The following CCN5 variants were observed in gnomAD, a reference collection of about 807,000 sequenced individuals.
CCN5 encodes the protein CCN family member 5.
CCN5 carries 17 observed loss-of-function variants against 18.7 expected under a neutral mutation model. That is an observed-to-expected ratio of 0.91 (90% CI 0.62 to 1.36). The LOEUF is 1.36. CCN5 is among the 40% of genes most tolerant of loss of function. The pLI is 0.00. For synonymous variants in CCN5, 135 were observed against 145.2 expected, an observed-to-expected ratio of 0.93 and a Z score of 0.50; for missense variants, 367 against 342.9, an observed-to-expected ratio of 1.07 and a Z score of -0.56.
chr20:44,715,319 G>A, upstream of CCN5: 1 of 1,477,410 alleles, frequency 6.8e-7, no homozygotes, highest in South Asian at 1.2e-5. Context: ...GCCTGGGAGT[G>A]ACCTCACAGC....
At chr20:44,720,214 G>A in intron 2 of CCN5, 101 bp downstream of exon 2, 1 of 1,269,626 alleles carries the variant, frequency 7.9e-7, no homozygotes, top group Non-Finnish European at 1.1e-6. Context: ...TACCTCCTTG[G>A]GTGCTCACTT....
At chr20:44,720,366 C>T (rs1353466655) in intron 2 of CCN5, 2 of 523,542 alleles carry the variant, frequency 3.8e-6, no homozygotes, top group Non-Finnish European at 6.6e-6. Context: ...TCATTGCCAA[C>T]TTTCAAAGCC....
At position 44,722,322 on chromosome 20, in the gene CCN5, G is replaced by A. The variant is rs376536373; in HGVS notation, c.277+2209G>A. Among the ~76,000 whole-genome samples the A allele has an allele frequency of 6.2e-4, 95 of 152,282 alleles. 3 individuals are homozygous for A. In the South Asian group the frequency reaches 0.018, roughly 29 times the overall value. ...TGAGATGTGCTGCAGATTCACCATC[G>A]TGATAACAGCGCATCCAATGCCGGG... is the stretch of plus-strand genomic sequence containing the variant. On this transcript the variant is annotated intron_variant, in intron 2 of 3. Coordinates refer to ENST00000190983, the MANE Select transcript of CCN5 (RefSeq NM_003881.4).
In CCN5 at chr20:44,727,551, G is replaced by A. The variant is rs941048266; in HGVS notation, c.*244G>A. On this transcript the variant is annotated 3_prime_UTR_variant, in exon 4 of 4. Transcript: ENST00000190983. ...ACTCACTGCCTAGGAGGCTGGCCAA[G>A]GTGTCCAGGGTCCTCTAGCCCACTC... is the stretch of plus-strand genomic sequence containing the variant. 4.4e-6 allele frequency: 6 copies of A among 1,357,406 alleles called. No homozygotes were observed. The Admixed American group carries it at 2.2e-4, about 50-fold the overall frequency. The allele number at this position is 1,357,406 out of a possible 1,614,324, so 84.1% of individuals were successfully genotyped here. A position where few individuals can be genotyped will look rare whatever the true frequency, so the allele number is the denominator to read the frequency against.
At chr20:44,718,161 G>A (rs982068553) in intron 1 of CCN5, among the ~76,000 whole-genome samples, 1 of 152,158 alleles carries the variant, frequency 6.6e-6, no homozygotes, top group East Asian at 1.9e-4. Flanking sequence ...CTGTCTCAGT[G>A]GGGGCTGTGA....
intron 1 of CCN5, among the ~76,000 whole-genome samples, chr20:44,719,265 G>A (rs574545761): frequency 6.6e-6 from 1 of 152,136 alleles, no homozygotes; most frequent in African/African-American, 2.4e-5. Flanking sequence ...GTACTCCTCA[G>A]AGCAATCCTC....
At position 44,727,602 on chromosome 20, in the gene CCN5, A is replaced by C; in HGVS notation, c.*295A>C. On this transcript the variant is annotated 3_prime_UTR_variant, in exon 4 of 4. Coordinates refer to ENST00000190983, the MANE Select transcript of CCN5 (RefSeq NM_003881.4). ...CCTGCCTACACACACAGCCTATATC[A>C]AACATGCACACGGGCGAGCTTTCTC... 8.9e-7 allele frequency: 1 copy of C among 1,123,760 alleles called. No individual in the cohort carries two copies. The highest frequency in any genetic ancestry group is 1.1e-6 in the Non-Finnish European group (1 of 877,296). The allele number at this position is 1,123,760 out of a possible 1,614,324, so 69.6% of individuals were successfully genotyped here.
intron 1 of CCN5, among the ~76,000 whole-genome samples, chr20:44,719,003 A>G (rs1264818341): frequency 4.6e-5 from 7 of 152,340 alleles, no homozygotes; most frequent in African/African-American, 1.7e-4. Context: ...TGCTGAATGG[A>G]TCGAAAGGCC....
intron 2 of CCN5, among the ~76,000 whole-genome samples, chr20:44,722,720 C>T (rs1172238579): frequency 2.0e-5 from 3 of 151,978 alleles, no homozygotes; most frequent in Non-Finnish European, 2.9e-5. Flanking sequence ...GTGATCCACC[C>T]GCCTCGGCCT....
chr20:44,715,138 T>G, upstream of CCN5: 1 of 502,644 alleles, frequency 2.0e-6, no homozygotes, highest in Non-Finnish European at 3.6e-6. Context: ...ACCCCCTTGG[T>G]GGCCTTCACA....
chr20:44,717,991 A>G lies in CCN5; in HGVS notation c.61-1906A>G, dbSNP rs141612787. Among the ~76,000 whole-genome samples, 573 of 152,238 alleles carry G rather than the reference A, an allele frequency of 3.8e-3. 5 individuals are homozygous for G. The highest frequency in any genetic ancestry group is 0.012 in the African/African-American group (501 of 41,554). Reference sequence around the variant, plus strand: ...AGGGGCTCCAGATGCTGCCTCTCTGACAAGCTCCTAGATGACGCTGCTGCT... The same window carrying G: ...AGGGGCTCCAGATGCTGCCTCTCTGGCAAGCTCCTAGATGACGCTGCTGCT... On this transcript the variant is annotated intron_variant, in intron 1 of 3. Transcript: ENST00000190983.
Position 44,720,128 on chromosome 20 carries a change from AG to A in CCN5, c.277+17del. 1 of 1,540,412 alleles carries A rather than the reference AG, an allele frequency of 6.5e-7. No homozygotes were observed. The highest frequency in any genetic ancestry group is 8.7e-7 in the Non-Finnish European group (1 of 1,148,974). On this transcript the variant is annotated intron_variant, in intron 2 of 3. Transcript: ENST00000190983. Reference sequence around the variant, plus strand: ...CCTGTGCCTCTGTAAGCAGGTTTGCAGGACTGAGTGGGGGCGGGTGTGAGCG... The same window carrying A: ...CCTGTGCCTCTGTAAGCAGGTTTGCAGACTGAGTGGGGGCGGGTGTGAGCG...
At chr20:44,719,005 C>A (rs371373548) in intron 1 of CCN5, among the ~76,000 whole-genome samples, 2 of 152,146 alleles carry the variant, frequency 1.3e-5, no homozygotes, top group African/African-American at 4.8e-5. Flanking sequence ...CTGAATGGAT[C>A]GAAAGGCCAA....
chr20:44,716,107 G>T (rs2065858166), intron 1 of CCN5, among the ~76,000 whole-genome samples: 1 of 152,130 alleles, frequency 6.6e-6, no homozygotes, highest in Admixed American at 6.6e-5. Flanking sequence ...TGCAACCCCA[G>T]TTTTCAGTCA....
In CCN5 at chr20:44,719,949, G is replaced by A. The variant is rs142450134; in HGVS notation, c.113G>A (p.Arg38Gln). 5.8e-5 allele frequency: 94 copies of A among 1,613,690 alleles called. No individual in the cohort carries two copies. The highest frequency in any genetic ancestry group is 3.3e-4 in the Middle Eastern group (2 of 6,054). Residue 38 changes from arginine (R) to glutamine (Q), a missense_variant, in exon 2 of 4, where the codon CGA (arginine) becomes CAA (glutamine). Physicochemically the swap from Arg to Gln is conservative, Grantham distance 43. Transcript: ENST00000190983. ...TGTACCTGCCCCTGGCCACCTCCCC[G>A]ATGCCCGCTGGGAGTACCCCTGGTG... ...TPCTCPWPPP[R>Q]CPLGVPLVLD...
At chr20:44,719,441 G>T (rs1421553330) in intron 1 of CCN5, among the ~76,000 whole-genome samples, 2 of 152,180 alleles carry the variant, frequency 1.3e-5, no homozygotes, top group Admixed American at 1.3e-4. Context: ...GATTGCCTGA[G>T]CTCAGGATTT....
At chr20:44,717,700 C>T (rs527820479) in intron 1 of CCN5, among the ~76,000 whole-genome samples, 1 of 151,912 alleles carries the variant, frequency 6.6e-6, no homozygotes, top group African/African-American at 2.4e-5. Flanking sequence ...CATGGTGAAA[C>T]CCCGTCTCTA....
At chr20:44,725,217 C>A (rs914493787) in intron 3 of CCN5, among the ~76,000 whole-genome samples, 1 of 151,804 alleles carries the variant, frequency 6.6e-6, no homozygotes, top group African/African-American at 2.4e-5. Context: ...ACGGGCGGAT[C>A]ACCTGAGGTT....
chr20:44,717,336 G>C (rs1179106832), intron 1 of CCN5, among the ~76,000 whole-genome samples: 1 of 152,138 alleles, frequency 6.6e-6, no homozygotes, highest in Admixed American at 6.5e-5. Context: ...GCCTCTCCTG[G>C]GTATCGGGGC....
Sources: gnomAD v4.1 joint callset for allele counts (sites outside exome capture counted in the v4.1 genomes callset) on GRCh38, gnomAD v4.1.1 for gene constraint, MANE v1.5 for transcripts, NCBI Gene and HGNC (gene_info 2026-07-23, HGNC 2026-07-21) for gene names.